RMDN2: variants seen among roughly 807,000 people sequenced by gnomAD.
The protein encoded by RMDN2 is regulator of microtubule dynamics 2, also known as regulator of microtubule dynamics protein 2.
Under a neutral mutation model 52.8 loss-of-function variants are expected in RMDN2, and 61 were observed. The observed-to-expected ratio is 1.16, with a 90% CI of 0.94 to 1.43. RMDN2 has a LOEUF of 1.43. Ranked by LOEUF, RMDN2 falls within the 40% of genes most tolerant of loss-of-function variation. The pLI, the probability that RMDN2 is intolerant of heterozygous loss-of-function variation, is 0.00. For synonymous variants in RMDN2, 180 were observed against 153.1 expected (o/e 1.18, Z -1.30); for missense variants, 592 against 475.3 (o/e 1.25, Z -2.28).
At position 37,943,981 on chromosome 2, in the gene RMDN2, A is replaced by G. The variant is rs373825069; in HGVS notation, c.452+14252A>G. On this transcript the variant is annotated intron_variant, in intron 2 of 10. Transcript: ENST00000354545. ...CAGGTGAAGTGTATAAGGTGTCTGC[A>G]TATTTTGTGTAACTTCAGAGTTAGA... 1.8e-4 allele frequency among the ~76,000 whole-genome samples: 27 copies of G among 152,290 alleles called. No individual in the cohort carries two copies. The South Asian group carries it at 4.4e-3, about 25-fold the overall frequency.
At chr2:38,034,350 C>G (rs1269556061) in intron 10 of RMDN2, among the ~76,000 whole-genome samples, 5 of 152,170 alleles carry the variant, frequency 3.3e-5, no homozygotes, top group African/African-American at 7.2e-5. Flanking sequence ...ATGGGGAGAT[C>G]AGGAGGGCTA....
rs549758603 is a variant in RMDN2, at chr2:37,968,176, C to CAT, written c.453-5863_453-5862dup. On this transcript the variant is annotated intron_variant, in intron 2 of 10. Coordinates refer to ENST00000354545, the MANE Select transcript of RMDN2 (RefSeq NM_001170791.3). The stretch of plus-strand genomic sequence containing the variant: ...TGGGTCAAGGCCAAGCATGGTGGCT[C>CAT]ATGCCTGTAATCCCAGCACTTTGGG... Among the ~76,000 whole-genome samples the CAT allele has an allele frequency of 1.2e-3, 181 of 152,202 alleles. 1 individual carries two copies. Among genetic ancestry groups the CAT allele is most frequent in the African/African-American group, 4.2e-3 (175 of 41,514 alleles).
At chr2:37,938,536 G>T (rs1417866383) in intron 2 of RMDN2, among the ~76,000 whole-genome samples, 2 of 152,132 alleles carry the variant, frequency 1.3e-5, no homozygotes, top group Non-Finnish European at 2.9e-5. Flanking sequence ...AGCTTTTTAT[G>T]GTTGGTAGGC....
chr2:38,012,180 C>G (rs1170975099), intron 10 of RMDN2, among the ~76,000 whole-genome samples: 2 of 152,182 alleles, frequency 1.3e-5, no homozygotes, highest in Non-Finnish European at 2.9e-5. Flanking sequence ...TCCTACCCAC[C>G]CTCTGCTCCT....
chr2:38,046,261 G>T (rs950094553), intron 10 of RMDN2, among the ~76,000 whole-genome samples: 5 of 152,096 alleles, frequency 3.3e-5, no homozygotes, highest in Middle Eastern at 3.2e-3. Flanking sequence ...CATTACCAAA[G>T]GATATAACCC....
rs1179467911 is a variant in RMDN2, at chr2:37,975,287, C to T, written c.703C>T (p.Gln235Ter). 7 of 1,602,114 alleles carry T rather than the reference C, an allele frequency of 4.4e-6. No individual in the cohort carries two copies. The highest frequency in any genetic ancestry group is 1.3e-5 in the African/African-American group (1 of 74,766). ...CATGTATGAACTATCTACAAACACA[C>T]AAGAAAAGAAACATTATGCTAATAT... ...GDMYELSTNT[Q>*]EKKHYANIGK... Residue 235 changes from glutamine (Q) to a stop codon, truncating the protein, a stop_gained, in exon 4 of 11, where the codon CAA becomes TAA. Coordinates refer to ENST00000354545, the MANE Select transcript of RMDN2 (RefSeq NM_001170791.3). LOFTEE classifies it high-confidence loss of function.
chr2:38,025,142 T>C (rs577383131), intron 10 of RMDN2, among the ~76,000 whole-genome samples: 7 of 152,256 alleles, frequency 4.6e-5, no homozygotes, highest in South Asian at 2.1e-4. Context: ...CCCATGAATA[T>C]AGTATACCTC....
chr2:38,051,679 C>A (rs1367028362), intron 10 of RMDN2, among the ~76,000 whole-genome samples: 1 of 152,266 alleles, frequency 6.6e-6, no homozygotes, highest in East Asian at 1.9e-4. Context: ...TCATCCTCTC[C>A]CCCTACACAT....
chr2:37,942,797 G>C (rs1667906018), intron 2 of RMDN2, among the ~76,000 whole-genome samples: 1 of 152,162 alleles, frequency 6.6e-6, no homozygotes, highest in South Asian at 2.1e-4. Flanking sequence ...CTCTGTGGCA[G>C]GCACTGTCTG....
At chr2:38,033,652 GT>G (rs1474085632) in intron 10 of RMDN2, among the ~76,000 whole-genome samples, 1 of 152,150 alleles carries the variant, frequency 6.6e-6, no homozygotes, top group Non-Finnish European at 1.5e-5. Flanking sequence ...TTGCTTCTGT[GT>G]TTTCATAGGG....
At chr2:38,010,987 T>C (rs1677903337) in intron 10 of RMDN2, among the ~76,000 whole-genome samples, 1 of 152,158 alleles carries the variant, frequency 6.6e-6, no homozygotes, top group Non-Finnish European at 1.5e-5. Context: ...TCCTGATCCT[T>C]GTTAGATGTA....
At chr2:37,924,856 C>T (rs1377528790), upstream of RMDN2, among the ~76,000 whole-genome samples, 2 of 152,174 alleles carry the variant, frequency 1.3e-5, no homozygotes, top group Non-Finnish European at 2.9e-5. Context: ...GCTATGAACA[C>T]GGGGCTGCAG....
intron 2 of RMDN2, among the ~76,000 whole-genome samples, chr2:37,968,657 G>T (rs1210097609): frequency 1.3e-5 from 2 of 152,170 alleles, no homozygotes; most frequent in East Asian, 3.8e-4. Flanking sequence ...ATCATGCAGA[G>T]TTGAAGGGAT....
chr2:38,031,477 T>C lies in RMDN2; in HGVS notation c.1713+27261T>C, dbSNP rs79147393. On this transcript the variant is annotated intron_variant, in intron 10 of 10. Coordinates refer to the RMDN2 transcript ENST00000234195. ...CTTTGTTTCCTTTTTTATTTTGATG[T>C]AATGCTGTGAATTTTCACTTCTACA... Among the ~76,000 whole-genome samples, 227 of 152,140 alleles carry C rather than the reference T, an allele frequency of 1.5e-3. 1 individual carries two copies. The highest frequency in any genetic ancestry group is 5.3e-3 in the African/African-American group (219 of 41,514).
chr2:37,967,029 C>T (rs1484294586), intron 2 of RMDN2, among the ~76,000 whole-genome samples: 4 of 151,906 alleles, frequency 2.6e-5, no homozygotes, highest in Non-Finnish European at 5.9e-5. Flanking sequence ...TTTATGGGGA[C>T]AGTGCCCGAA....
chr2:37,964,535 C>G (rs1670777372), intron 2 of RMDN2, among the ~76,000 whole-genome samples: 1 of 152,130 alleles, frequency 6.6e-6, no homozygotes, highest in East Asian at 1.9e-4. Context: ...TATTGTGATC[C>G]AGAAAATATG....
chr2:37,998,959 A>G (rs1675948416), intron 8 of RMDN2, among the ~76,000 whole-genome samples: 1 of 152,188 alleles, frequency 6.6e-6, no homozygotes, highest in South Asian at 2.1e-4. Context: ...TTTAAATTGT[A>G]TAAGAATGTA....
At chr2:38,034,053 G>A (rs561353267) in intron 10 of RMDN2, among the ~76,000 whole-genome samples, 1 of 152,304 alleles carries the variant, frequency 6.6e-6, no homozygotes, top group African/African-American at 2.4e-5. Context: ...GAATATTAGT[G>A]TTTCTTTACT....
At chr2:37,952,986 A>G (rs1370199677) in intron 2 of RMDN2, 2 of 151,998 alleles carry the variant, frequency 1.3e-5, no homozygotes, top group African/African-American at 2.4e-5. Context: ...ATAAAAATGC[A>G]TGTAAGCAAT....
Sources: gnomAD v4.1 joint callset for allele counts (sites outside exome capture counted in the v4.1 genomes callset) on GRCh38, gnomAD v4.1.1 for gene constraint, MANE v1.5 for transcripts, NCBI Gene and HGNC (gene_info 2026-07-23, HGNC 2026-07-21) for gene names.